DMD: variants seen among roughly 807,000 people sequenced by gnomAD.
DMD encodes dystrophin, also known as mutant dystrophin.
In DMD, 63 loss-of-function variants were observed where a neutral mutation model predicts 330.1. The observed-to-expected ratio is 0.19, with a 90% CI of 0.16 to 0.24. The LOEUF is 0.24. Ranked by LOEUF, DMD falls within the 10% of genes least tolerant of loss-of-function variation. DMD has a pLI of 1.00. For synonymous variants in DMD, 1,223 were observed against 959.8 expected, an observed-to-expected ratio of 1.27 and a Z score of -5.07; for missense variants, 3,344 against 2,684.1, an observed-to-expected ratio of 1.25 and a Z score of -5.43.
chrX:32,358,538 C>T, intron 37 of DMD, among the ~76,000 whole-genome samples: 1 of 111,789 alleles, frequency 8.9e-6, no homozygotes, highest in South Asian at 3.8e-4. Context: ...AAAAAACACG[C>T]TTTTTTCAAA....
At chrX:31,401,435 G>C (rs1029539519) in intron 60 of DMD, among the ~76,000 whole-genome samples, 2 of 111,983 alleles carry the variant, frequency 1.8e-5, no homozygotes, top group African/African-American at 6.5e-5. Flanking sequence ...GCACTTAGAG[G>C]CTATTTATCT....
intron 9 of DMD, among the ~76,000 whole-genome samples, chrX:32,681,578 T>A (rs2062427477): frequency 8.9e-6 from 1 of 111,798 alleles, no homozygotes; most frequent in Non-Finnish European, 1.9e-5. Flanking sequence ...TATATTAGAT[T>A]CACGGGCAGC....
chrX:31,326,084 G>T (rs1377367736), intron 61 of DMD, among the ~76,000 whole-genome samples: 2 of 110,126 alleles, frequency 1.8e-5, no homozygotes, highest in Non-Finnish European at 3.8e-5. Flanking sequence ...AAAGAAGTGT[G>T]CTGGAGAGGG....
intron 47 of DMD, among the ~76,000 whole-genome samples, chrX:31,888,682 A>G (rs182320823): frequency 6.4e-4 from 72 of 112,051 alleles, no homozygotes; most frequent in African/African-American, 2.2e-3. Context: ...GTCTCGTGGT[A>G]AAATATCCCT....
chrX:32,202,866 G>A (rs762683917), intron 44 of DMD, among the ~76,000 whole-genome samples: 9 of 111,903 alleles, frequency 8.0e-5, no homozygotes, highest in Non-Finnish European at 1.5e-4. Context: ...AGTTCAAACC[G>A]TAATTATAAT....
chrX:32,030,996 T>A (rs2095878484), intron 44 of DMD, among the ~76,000 whole-genome samples: 1 of 111,693 alleles, frequency 9.0e-6, no homozygotes, highest in Non-Finnish European at 1.9e-5. Flanking sequence ...GTGCCTGCCG[T>A]ATAGAGGGCA....
chrX:32,362,459 C>T (rs768678643), intron 37 of DMD, among the ~76,000 whole-genome samples: 15 of 110,923 alleles, frequency 1.4e-4, no homozygotes, highest in Admixed American at 2.9e-4. Context: ...TTTTTTTGGC[C>T]TTCAGCATGC....
chrX:32,147,686 G>T (rs985386627), intron 44 of DMD, among the ~76,000 whole-genome samples: 1 of 110,616 alleles, frequency 9.0e-6, no homozygotes, highest in Non-Finnish European at 1.9e-5. Context: ...ATGTTTGTTA[G>T]CATAGAAAAA....
At chrX:31,863,675 G>C (rs2093750144) in intron 48 of DMD, among the ~76,000 whole-genome samples, 1 of 111,134 alleles carries the variant, frequency 9.0e-6, no homozygotes, top group Non-Finnish European at 1.9e-5. Context: ...AGGTTATTTG[G>C]TTATTACTAA....
At chrX:32,258,611 G>A (rs960307140) in intron 43 of DMD, among the ~76,000 whole-genome samples, 56 of 109,957 alleles carry the variant, frequency 5.1e-4, no homozygotes, top group African/African-American at 1.8e-3. Context: ...GGAGTTGAAC[G>A]ATGAGAACAC....
chrX:31,795,290 T>C (rs1442759813), intron 50 of DMD, among the ~76,000 whole-genome samples: 3 of 112,367 alleles, frequency 2.7e-5, no homozygotes, highest in East Asian at 2.8e-4. Flanking sequence ...TTTAGTACAA[T>C]AGTAGATATA....
intron 55 of DMD, among the ~76,000 whole-genome samples, chrX:31,597,186 T>TAG (rs2148179765): frequency 8.9e-6 from 1 of 112,047 alleles, no homozygotes; most frequent in Admixed American, 9.5e-5. Context: ...GCTTACAATC[T>TAG]AGTGAAGTAT....
Position 31,292,710 on chromosome X carries a change from A to G in DMD, c.9224+30888T>C, listed in dbSNP as rs1026302875. 3.6e-5 allele frequency among the ~76,000 whole-genome samples: 4 copies of G among 111,995 alleles called. No homozygotes were observed. The East Asian group carries it at 8.4e-4, about 23-fold the overall frequency. On this transcript the variant is annotated intron_variant, in intron 62 of 78. Transcript: ENST00000357033. ...TGTCTTCAAACTGGAAAGAACCAAA[A>G]TGTTCCCCAACAATAGAATGGATAA...
At chrX:31,241,557 A>G (rs1448861008) in intron 63 of DMD, among the ~76,000 whole-genome samples, 7 of 111,501 alleles carry the variant, frequency 6.3e-5, no homozygotes, top group African/African-American at 2.3e-4. Context: ...CTTTTCCTCA[A>G]TGGTATCACC....
At position 33,120,863 on chromosome X, in the gene DMD, A is replaced by G. The variant is rs778850646; in HGVS notation, c.31+90419T>C. Among the ~76,000 whole-genome samples the G allele has an allele frequency of 3.6e-5, 3 of 84,023 alleles. No individual in the cohort carries two copies. The South Asian group carries it at 2.7e-3, about 76-fold the overall frequency. 73.0% of individuals were successfully genotyped at this position (84,023 alleles called of 115,157 possible). A position where few individuals can be genotyped will look rare whatever the true frequency, so the allele number is the denominator to read the frequency against. ...GCCACTGCACTCCAGCCTGGGTGAC[A>G]GAGCATGACTCTCTCAAAAAAAAAA... On this transcript the variant is annotated intron_variant, in intron 1 of 78. Transcript: ENST00000357033.
At chrX:32,511,834 T>A (rs1375151921) in intron 18 of DMD, among the ~76,000 whole-genome samples, 2 of 111,685 alleles carry the variant, frequency 1.8e-5, no homozygotes, top group Non-Finnish European at 3.8e-5. Context: ...ATTATGCTAT[T>A]AACATATAGA....
intron 44 of DMD, among the ~76,000 whole-genome samples, chrX:32,033,600 A>T (rs1317263715): frequency 2.9e-5 from 1 of 34,311 alleles, no homozygotes; most frequent in Non-Finnish European, 5.2e-5. Context: ...ACAGACAGAC[A>T]GACAGAAAGA....
In DMD at chrX:32,527,371, T is replaced by C. The variant is rs1210659337; in HGVS notation, c.2169-9240A>G. 2.7e-5 allele frequency among the ~76,000 whole-genome samples: 3 copies of C among 111,857 alleles called. No individual in the cohort carries two copies. In the Admixed American group the frequency reaches 2.8e-4, roughly 11 times the overall value. On this transcript the variant is annotated intron_variant, in intron 17 of 78. Transcript: ENST00000357033. The stretch of plus-strand genomic sequence containing the variant: ...CTTTCTTCTTCAGAGTTTTCCGAAG[T>C]GAGAAGACATTTTAATTCCATATTA...
chrX:32,844,159 C>T (rs1174502842), intron 4 of DMD, among the ~76,000 whole-genome samples: 2 of 111,465 alleles, frequency 1.8e-5, no homozygotes, highest in Non-Finnish European at 3.8e-5. Context: ...AATCTCAGCA[C>T]TTCGGGAGGC....
Sources: allele counts gnomAD v4.1 joint callset (sites outside exome capture counted in the v4.1 genomes callset), GRCh38; gene constraint gnomAD v4.1.1; transcripts MANE v1.5; gene names NCBI Gene and HGNC (gene_info 2026-07-23, HGNC 2026-07-21).